The following NRG1 variants were observed in gnomAD, a reference collection of about 807,000 sequenced individuals.
NRG1 encodes the protein pro-neuregulin-1, membrane-bound isoform.
NRG1 carries 18 observed loss-of-function variants against 63.8 expected under a neutral mutation model. The ratio of observed to expected loss-of-function variants is 0.28; its 90% CI spans 0.19 to 0.42. The LOEUF (loss-of-function observed/expected upper bound fraction) is 0.42, where lower values mean the gene tolerates loss of function less well. NRG1 is among the 10% of genes least tolerant of loss of function. The pLI is 1.00. For missense variants in NRG1, 762 were observed against 814.7 expected (o/e 0.94, Z 0.79); for synonymous variants, 302 against 301.3 (o/e 1.00, Z -0.02).
intron 1 of NRG1, among the ~76,000 whole-genome samples, chr8:32,593,968 G>T (rs905208335): frequency 1.9e-4 from 29 of 151,888 alleles, no homozygotes; most frequent in Non-Finnish European, 7.4e-5. Flanking sequence ...ACATTAAATG[G>T]CTGCTTCTCC....
intron 1 of NRG1, among the ~76,000 whole-genome samples, chr8:32,412,600 T>A (rs1247843771): frequency 6.6e-6 from 1 of 151,614 alleles, no homozygotes; most frequent in Non-Finnish European, 1.5e-5. Flanking sequence ...TTTGTGAATA[T>A]CATAGAATAT....
intron 1 of NRG1, among the ~76,000 whole-genome samples, chr8:32,352,296 C>T (rs1320833380): frequency 6.6e-6 from 1 of 151,838 alleles, no homozygotes; most frequent in Admixed American, 6.6e-5. Flanking sequence ...TGGTCACAGA[C>T]CACTCTTAGG....
intron 1 of NRG1, chr8:32,442,463 T>C (rs929836484): frequency 2.6e-5 from 4 of 152,130 alleles, no homozygotes; most frequent in Admixed American, 6.6e-5. Context: ...TTATTTCCAC[T>C]ACAGGGAAAA....
intron 1 of NRG1, among the ~76,000 whole-genome samples, chr8:31,828,936 A>G (rs1363445554): frequency 6.6e-6 from 1 of 152,216 alleles, no homozygotes; most frequent in Non-Finnish European, 1.5e-5. Context: ...CATTTATTCA[A>G]CAAACATTTG....
Position 32,177,444 on chromosome 8 carries a change from G to A in NRG1, c.38-418384G>A, listed in dbSNP as rs1380240732. 2.6e-5 allele frequency among the ~76,000 whole-genome samples: 4 copies of A among 152,086 alleles called. No individual in the cohort carries two copies. The East Asian group carries it at 7.7e-4, about 29-fold the overall frequency. On this transcript the variant is annotated intron_variant, in intron 1 of 10. Coordinates refer to the NRG1 transcript ENST00000519301. ...GTATACATATGTAACTAACCTGCAT[G>A]TTGTGTACATGTACCCTAAAACTTA...
At chr8:32,582,359 A>G (rs879013973) in intron 1 of NRG1, among the ~76,000 whole-genome samples, 1 of 152,112 alleles carries the variant, frequency 6.6e-6, no homozygotes, top group African/African-American at 2.4e-5. Context: ...CAGCCTCCCA[A>G]AGGGCTGGGA....
At chr8:31,947,174 C>A (rs573145966) in intron 1 of NRG1, among the ~76,000 whole-genome samples, 1 of 151,608 alleles carries the variant, frequency 6.6e-6, no homozygotes, top group Non-Finnish European at 1.5e-5. Context: ...GTGGCGGGCG[C>A]CTGTAGTCCC....
intron 1 of NRG1, among the ~76,000 whole-genome samples, chr8:32,403,020 C>T (rs1426066625): frequency 1.3e-5 from 2 of 151,906 alleles, no homozygotes; most frequent in Non-Finnish European, 2.9e-5. Context: ...AAGCACTGGC[C>T]GGGCACAGTG....
At chr8:32,599,725 G>A (rs1212258434) in intron 2 of NRG1, among the ~76,000 whole-genome samples, 1 of 152,178 alleles carries the variant, frequency 6.6e-6, no homozygotes, top group African/African-American at 2.4e-5. Flanking sequence ...AGATTCATAT[G>A]TAAGGACTGG....
rs148160474 is a variant in NRG1, at chr8:32,437,556, G to A, written c.38-158272G>A. ...GAGAATCTCACACCAGAGCCAGACC[G>A]GAAGTTTCCTTCATTTCATGACTGG... On this transcript the variant is annotated intron_variant, in intron 1 of 10. Transcript: ENST00000519301. Among the ~76,000 whole-genome samples, 451 of 152,240 alleles carry A rather than the reference G, an allele frequency of 3.0e-3. 4 individuals carry two copies. The highest frequency in any genetic ancestry group is 0.01 in the African/African-American group (421 of 41,560).
At chr8:32,208,207 C>T (rs773567459) in intron 1 of NRG1, among the ~76,000 whole-genome samples, 1 of 151,734 alleles carries the variant, frequency 6.6e-6, no homozygotes, top group Admixed American at 6.6e-5. Context: ...GATGGACTAA[C>T]ATTGATCAGG....
intron 1 of NRG1, among the ~76,000 whole-genome samples, chr8:32,197,707 G>A (rs79027555): frequency 0.054 from 8,224 of 152,270 alleles, 267 homozygotes; most frequent in Middle Eastern, 0.095. Context: ...AAACAAAAAT[G>A]GGGGCTTGCC....
intron 1 of NRG1, among the ~76,000 whole-genome samples, chr8:31,894,907 C>G (rs1046677535): frequency 6.6e-6 from 1 of 152,076 alleles, no homozygotes; most frequent in African/African-American, 2.4e-5. Flanking sequence ...ACTACAGGGT[C>G]CAGCCTTTGC....
At chr8:32,311,350 G>A (rs975526759) in intron 1 of NRG1, among the ~76,000 whole-genome samples, 3 of 152,164 alleles carry the variant, frequency 2.0e-5, no homozygotes, top group Non-Finnish European at 2.9e-5. Context: ...GAAGAAGAGT[G>A]CCTGCTGATT....
chr8:32,211,032 G>A (rs1184973196), intron 1 of NRG1, among the ~76,000 whole-genome samples: 2 of 152,138 alleles, frequency 1.3e-5, no homozygotes, highest in Non-Finnish European at 2.9e-5. Flanking sequence ...CAATACAAAA[G>A]TATAATGAGT....
intron 1 of NRG1, among the ~76,000 whole-genome samples, chr8:32,303,218 A>G (rs1350639728): frequency 7.2e-6 from 1 of 138,826 alleles, no homozygotes; most frequent in Admixed American, 6.8e-5. Flanking sequence ...GAGAAAAGAA[A>G]GAAAAGAAAA....
At chr8:31,663,383 A>T (rs530844881) in intron 1 of NRG1, among the ~76,000 whole-genome samples, 1 of 152,272 alleles carries the variant, frequency 6.6e-6, no homozygotes, top group Admixed American at 6.5e-5. Context: ...AGTAGGGGAG[A>T]TGAGGAGTAG....
intron 1 of NRG1, among the ~76,000 whole-genome samples, chr8:32,469,656 A>G (rs570738693): frequency 1.3e-5 from 2 of 152,308 alleles, no homozygotes; most frequent in Non-Finnish European, 2.9e-5. Flanking sequence ...AAATATCAGT[A>G]AAAGGAAATT....
chr8:32,578,171 T>G (rs1456682649), intron 1 of NRG1, among the ~76,000 whole-genome samples: 1 of 152,124 alleles, frequency 6.6e-6, no homozygotes, highest in East Asian at 1.9e-4. Context: ...ATTTTTTGTA[T>G]TTTTAGTAGA....
Sources: allele counts gnomAD v4.1 joint callset (sites outside exome capture counted in the v4.1 genomes callset), GRCh38; gene constraint gnomAD v4.1.1; transcripts MANE v1.5; gene names NCBI Gene and HGNC (gene_info 2026-07-23, HGNC 2026-07-21).